PODNL1: variants seen among roughly 807,000 people sequenced by gnomAD.
PODNL1 encodes podocan like 1, also known as podocan-like protein 1.
Under a neutral mutation model 45.1 loss-of-function variants are expected in PODNL1, and 50 were observed. The ratio of observed to expected loss-of-function variants is 1.11; its 90% CI spans 0.88 to 1.40. The LOEUF (loss-of-function observed/expected upper bound fraction) is 1.40. Among genes scored for constraint, PODNL1 ranks in the 40% most tolerant of loss-of-function variants. PODNL1 has a pLI of 0.00. For synonymous variants in PODNL1, 406 were observed against 372.5 expected (o/e 1.09, Z -1.04); for missense variants, 788 against 793.3 (o/e 0.99, Z 0.08).
chr19:13,947,828 CTA>C (rs1972872405), intron 1 of PODNL1, among the ~76,000 whole-genome samples: 1 of 152,186 alleles, frequency 6.6e-6, no homozygotes, highest in African/African-American at 2.4e-5. Context: ...TCGGCTCTGA[CTA>C]TGGCCACTTT....
upstream of PODNL1, among the ~76,000 whole-genome samples, chr19:13,943,163 G>A (rs937025514): frequency 2.0e-5 from 3 of 151,878 alleles, no homozygotes; most frequent in African/African-American, 7.3e-5. Context: ...AGGCATGGTG[G>A]CACATGCCTG....
chr19:13,947,821 G>T (rs1446107802), intron 1 of PODNL1, among the ~76,000 whole-genome samples: 1 of 151,986 alleles, frequency 6.6e-6, no homozygotes, highest in Non-Finnish European at 1.5e-5. Context: ...GACCCCATCG[G>T]CTCTGACTAT....
chr19:13,934,928 A>C (rs750405184), intron 5 of PODNL1, among the ~76,000 whole-genome samples: 8 of 150,828 alleles, frequency 5.3e-5, no homozygotes, highest in Non-Finnish European at 1.0e-4. Flanking sequence ...ATCATGTGCA[A>C]AAGTGTGAGC....
chr19:13,934,367 G>T lies in PODNL1; in HGVS notation c.538C>A (p.Pro180Thr), dbSNP rs1568432840. 6.4e-7 allele frequency: 1 copy of T among 1,553,074 alleles called. No individual in the cohort carries two copies. ...HNNQLSNAGL[P>T]PDAFRGSEAI... ...TCGGAGCCGCGGAAGGCGTCGGGGG[G>T]CAGGCCAGCGTTGCTCAGCTGGTTG... Residue 180 changes from proline (P) to threonine (T), a missense_variant, in exon 6 of 10, where the codon CCC becomes ACC. Physicochemically the swap from Pro to Thr is conservative, Grantham distance 38 (BLOSUM62 -1). Coordinates refer to ENST00000588872, the MANE Select transcript of PODNL1 (RefSeq NM_001370095.3).
rs533638531 is a variant in PODNL1, at chr19:13,931,303, G to A, written c.*434C>T. 5.7e-4 allele frequency: 93 copies of A among 164,194 alleles called. 4 individuals are homozygous for A. In the South Asian group the frequency reaches 0.018, roughly 32 times the overall value. The allele number at this position is 164,194 out of a possible 1,614,324, so 10.2% of individuals were successfully genotyped here. On this transcript the variant is annotated 3_prime_UTR_variant, in exon 10 of 10. Transcript: ENST00000588872. ...GCCTTGGGCGTCCCTGCAATCACAC[G>A]TGGCTAGGTCGCACAGGGTGCTGTT...
In PODNL1 at chr19:13,935,849, C is replaced by T. The variant is rs1972309581; in HGVS notation, c.385-19G>A. On this transcript the variant is annotated intron_variant, in intron 4 of 9. Coordinates refer to ENST00000588872, the MANE Select transcript of PODNL1 (RefSeq NM_001370095.3). ...CTGAGAGCTGTGGGGACACAGCCCA[C>T]AGCCGGACTGGTCCTGGTGCGCCTT... 1.3e-6 allele frequency: 2 copies of T among 1,595,576 alleles called. No homozygotes were observed. The highest frequency in any genetic ancestry group is 1.7e-6 in the Non-Finnish European group (2 of 1,171,136).
chr19:13,933,270 C>T lies in PODNL1; in HGVS notation c.953G>A (p.Ser318Asn). ...YLLLQHNQLG[S>N]SGLPAGALRP... is the part of the protein sequence containing the mutation. ...CAGAGCCCCGGCGGGCAGCCCTGAG[C>T]TCCCCAGCTGGTTGTGCTGCAGCAA... The change falls in exon 8 of 10, where the codon AGC becomes AAC. Residue 318 changes from serine (S) to asparagine (N), a missense_variant. This residue lies in a region of PODNL1 where 762 missense variants were observed against 750.9 expected (regional missense o/e 1.01). Transcript: ENST00000588872. The surrounding 1 kb of genome is among the most constrained non-coding windows in gnomAD (Gnocchi z 5.2). 6.4e-7 allele frequency: 1 copy of T among 1,563,806 alleles called. No homozygotes were observed. Among genetic ancestry groups the T allele is most frequent in the Non-Finnish European group, 8.6e-7 (1 of 1,159,938 alleles).
Position 13,932,887 on chromosome 19 carries a change from C to T in PODNL1, c.1336G>A (p.Asp446Asn), listed in dbSNP as rs1164868888. The change falls in exon 8 of 10, where the codon GAC becomes AAC. Residue 446 changes from aspartate (D) to asparagine (N), a missense_variant. This residue lies in a region of PODNL1 where 762 missense variants were observed against 750.9 expected (regional missense o/e 1.01). Coordinates refer to ENST00000588872, the MANE Select transcript of PODNL1 (RefSeq NM_001370095.3). ...MLEPEPLAGL[D>N]QLRELSLAHN... ...GCCAGGCTGAGCTCCCGCAGTTGGT[C>T]CAGGCCGGCCAGAGGCTCGGGCTCG... 1.2e-6 allele frequency: 2 copies of T among 1,604,614 alleles called. No individual in the cohort carries two copies. The highest frequency in any genetic ancestry group is 1.7e-6 in the Non-Finnish European group (2 of 1,176,266).
rs527654983 is a variant in PODNL1 at position 13,938,377 on chromosome 19, C to T, written c.-196G>A. The T allele has an allele frequency of 1.7e-4, 236 of 1,393,776 alleles. No homozygotes were observed. The African/African-American group carries it at 3.0e-3, about 18-fold the overall frequency. 86.3% of individuals were successfully genotyped at this position (1,393,776 alleles called of 1,614,324 possible). A position where few individuals can be genotyped will look rare whatever the true frequency, so the allele number is the denominator to read the frequency against. ...ACCCCCTTCCCCGCCCTGGGGAGGACGGGCAGGCGGCCGGATGGGGTGGTG... is the reference window on the plus strand; with the variant it reads ...ACCCCCTTCCCCGCCCTGGGGAGGATGGGCAGGCGGCCGGATGGGGTGGTG... On this transcript the variant is annotated 5_prime_UTR_variant, in exon 1 of 10. Coordinates refer to ENST00000588872, the MANE Select transcript of PODNL1 (RefSeq NM_001370095.3).
chr19:13,952,504 G>T (rs955386233), intron 1 of PODNL1: 1 of 1,250,838 alleles, frequency 8.0e-7, no homozygotes, highest in Non-Finnish European at 1.0e-6. Flanking sequence ...GTGGAGGGAG[G>T]GGGTGAAAAT....
chr19:13,931,743 G>GC lies in PODNL1; in HGVS notation c.1718dup (p.Ter575LeufsTer128), dbSNP rs1246782414. ...CTGCTGGGCCTCTCTAGGATCAGGG[G>GC]CCCCCTGCCCGTGGCCCACGTGGGG... On this transcript the variant is annotated frameshift_variant, in exon 10 of 10. Coordinates refer to ENST00000588872, the MANE Select transcript of PODNL1 (RefSeq NM_001370095.3). LOFTEE classifies it high-confidence loss of function. The GC allele has an allele frequency of 4.4e-5, 54 of 1,231,772 alleles. No individual in the cohort carries two copies. The highest frequency in any genetic ancestry group is 4.4e-5 in the Non-Finnish European group (43 of 987,968). 76.3% of individuals were successfully genotyped at this position (1,231,772 alleles called of 1,614,324 possible).
chr19:13,935,935 T>A, intron 4 of PODNL1, 45 bp downstream of exon 4: 1 of 1,545,402 alleles, frequency 6.5e-7, no homozygotes, highest in Non-Finnish European at 8.8e-7. Flanking sequence ...TGACTGAAGC[T>A]GCACCCTCAC....
At chr19:13,936,151 C>T (rs2145429561) in intron 3 of PODNL1, 107 bp from the exon 4 acceptor site, 2 of 1,072,624 alleles carry the variant, frequency 1.9e-6, no homozygotes, top group Non-Finnish European at 2.7e-6. Flanking sequence ...CTGGCAGAGG[C>T]TCCCCAGGCC....
intron 1 of PODNL1, chr19:13,952,566 C>T: frequency 4.0e-6 from 5 of 1,262,184 alleles, no homozygotes; most frequent in South Asian, 3.4e-5. Flanking sequence ...GCGGCGGCGG[C>T]GGCCCCGGGG....
At chr19:13,941,826 T>C (rs1972664764), upstream of PODNL1, among the ~76,000 whole-genome samples, 1 of 152,022 alleles carries the variant, frequency 6.6e-6, no homozygotes, top group Non-Finnish European at 1.5e-5. Context: ...GAAAAAAAAG[T>C]TAAGAAACAT....
In PODNL1 at chr19:13,933,099, G is replaced by C; in HGVS notation, c.1124C>G (p.Pro375Arg). The change falls in exon 8 of 10, where the codon CCG becomes CGG. Residue 375 changes from proline to arginine, a missense_variant. Pro to Arg is a moderately radical substitution (Grantham distance 103). Around this residue, in one of 3 missense-constraint regions of PODNL1, gnomAD observed 762 missense variants for 750.9 expected, o/e 1.01. Transcript: ENST00000588872. The surrounding 1 kb of genome is among the most constrained non-coding windows in gnomAD (Gnocchi z 5.2). ...ALGARDLVAT[P>R]GLTELNLAYN... ...GGCCAGGTTAAGCTCCGTCAGGCCC[G>C]GTGTGGCGACCAGGTCACGGGCACC... The C allele has an allele frequency of 6.5e-7, 1 of 1,529,638 alleles. No individual in the cohort carries two copies. Among genetic ancestry groups the C allele is most frequent in the Non-Finnish European group, 8.8e-7 (1 of 1,142,228 alleles). 94.8% of individuals were successfully genotyped at this position (1,529,638 alleles called of 1,614,324 possible).
rs1016983086 is a variant in PODNL1 at position 13,944,524 on chromosome 19, C to A, written c.19-6518G>T. ...CCAGGCTGGAGTGCAGTGGCGGGAT[C>A]TTTGCTTACTGCAGCCTCCGATCCC... On this transcript the variant is annotated intron_variant, in intron 1 of 7. Coordinates refer to the PODNL1 transcript ENST00000538371. Among the ~76,000 whole-genome samples, 5 of 152,136 alleles carry A rather than the reference C, an allele frequency of 3.3e-5. No homozygotes were observed. The South Asian group carries it at 1.0e-3, about 32-fold the overall frequency.
chr19:13,944,336 T>C (rs1349486408), intron 1 of PODNL1, among the ~76,000 whole-genome samples: 1 of 151,306 alleles, frequency 6.6e-6, no homozygotes, highest in East Asian at 1.9e-4. Flanking sequence ...TAAATTTTTT[T>C]GTATTTTTAG....
At chr19:13,940,871 G>A (rs987402586), upstream of PODNL1, among the ~76,000 whole-genome samples, 4 of 149,032 alleles carry the variant, frequency 2.7e-5, no homozygotes, top group Non-Finnish European at 4.4e-5. Context: ...GCTATGGTGC[G>A]AGACTCTGTC....
Sources: gnomAD v4.1 joint callset for allele counts (sites outside exome capture counted in the v4.1 genomes callset) on GRCh38, gnomAD v4.1.1 for gene constraint, gnomAD v4.1.1 regional missense constraint, Gnocchi (gnomAD v3.1) non-coding constraint, MANE v1.5 for transcripts, NCBI Gene and HGNC (gene_info 2026-07-23, HGNC 2026-07-21) for gene names.